RBPJ: variants seen among roughly 807,000 people sequenced by gnomAD.
RBPJ encodes the protein recombining binding protein suppressor of hairless.
In RBPJ, 9 loss-of-function variants were observed where a neutral mutation model predicts 67.8. The observed-to-expected ratio is 0.13, with a 90% CI of 0.08 to 0.23. The LOEUF is 0.23. Among genes scored for constraint, RBPJ ranks in the 10% least tolerant of loss-of-function variants. The probability of loss-of-function intolerance (pLI) is 1.00; values close to 1 mark genes in which losing one functional copy is unlikely to be tolerated. For synonymous variants in RBPJ, 198 were observed against 203.3 expected, an observed-to-expected ratio of 0.97 and a Z score of 0.22; for missense variants, 305 against 595.6, an observed-to-expected ratio of 0.51 and a Z score of 5.08.
the RBPJ span, chr4:26,113,077 C>T: frequency 5.9e-6 from 1 of 170,262 alleles, no homozygotes; most frequent in Non-Finnish European, 1.3e-5. Context: ...TTTGTGAATG[C>T]AATGAATATG....
At chr4:26,156,791 C>T in the RBPJ span, among the ~76,000 whole-genome samples, 1 of 151,994 alleles carries the variant, frequency 6.6e-6, no homozygotes, top group African/African-American at 2.4e-5. Context: ...AATCCAGGGC[C>T]AGGCACAGTG....
At chr4:26,324,786 C>T (rs1723448917) in intron 1 of RBPJ, among the ~76,000 whole-genome samples, 1 of 152,178 alleles carries the variant, frequency 6.6e-6, no homozygotes. Flanking sequence ...ACCTTGGCCT[C>T]CCAAAGTACT....
At chr4:26,337,682 C>CTTTT (rs386356773) in intron 1 of RBPJ, among the ~76,000 whole-genome samples, 3 of 108,030 alleles carry the variant, frequency 2.8e-5, no homozygotes, top group South Asian at 3.0e-4. Flanking sequence ...ATTCTTTATC[C>CTTTT]TTTTTTTTTT....
At chr4:26,185,718 CA>C (rs1717222648) in intron 1 of RBPJ, among the ~76,000 whole-genome samples, 1 of 152,140 alleles carries the variant, frequency 6.6e-6, no homozygotes, top group South Asian at 2.1e-4. Context: ...CTAGGATCCC[CA>C]CAGGTAAATC....
At chr4:26,382,355 A>T (rs928749000) in intron 1 of RBPJ, among the ~76,000 whole-genome samples, 3 of 152,226 alleles carry the variant, frequency 2.0e-5, no homozygotes, top group African/African-American at 4.8e-5. Flanking sequence ...TGGTTGCATA[A>T]AATAAATACC....
intron 1 of RBPJ, among the ~76,000 whole-genome samples, chr4:26,288,991 A>G (rs1020170826): frequency 6.6e-6 from 1 of 151,172 alleles, no homozygotes; most frequent in Non-Finnish European, 1.5e-5. Flanking sequence ...AAGATTGACT[A>G]TTCCTTACTT....
intron 1 of RBPJ, among the ~76,000 whole-genome samples, chr4:26,352,685 A>G (rs763933623): frequency 1.3e-5 from 2 of 152,262 alleles, no homozygotes; most frequent in African/African-American, 4.8e-5. Flanking sequence ...CCTGGGCCAC[A>G]GAGTGAAACT....
At chr4:26,303,158 G>A (rs556752302) in intron 1 of RBPJ, among the ~76,000 whole-genome samples, 2 of 148,216 alleles carry the variant, frequency 1.3e-5, no homozygotes, top group Admixed American at 1.4e-4. Flanking sequence ...TCCAGCCTGG[G>A]TGACAGACTG....
the RBPJ span, among the ~76,000 whole-genome samples, chr4:26,115,691 AGGAACTGTAT>A: frequency 6.6e-6 from 1 of 152,198 alleles, no homozygotes; most frequent in African/African-American, 2.4e-5. Context: ...TTATTTCACA[AGGAACTGTAT>A]TACATACCTT....
chr4:26,183,551 C>T (rs146626499), intron 1 of RBPJ, among the ~76,000 whole-genome samples: 4 of 152,288 alleles, frequency 2.6e-5, no homozygotes, highest in Non-Finnish European at 5.9e-5. Context: ...TTTTGATGCT[C>T]CCAACTCAGA....
At chr4:26,251,531 G>T (rs1365005962) in intron 1 of RBPJ, among the ~76,000 whole-genome samples, 1 of 151,524 alleles carries the variant, frequency 6.6e-6, no homozygotes, top group Non-Finnish European at 1.5e-5. Context: ...GCTACCTCAG[G>T]AGGCTAAGGC....
chr4:26,295,269 T>TGTGTGTGTGTGTGG (rs1553858418), intron 1 of RBPJ, among the ~76,000 whole-genome samples: 1 of 151,008 alleles, frequency 6.6e-6, no homozygotes, highest in African/African-American at 2.4e-5. Context: ...TGTGTGTGTG[T>TGTGTGTGTGTGTGG]GGGTGTGTGT....
chr4:26,113,462 C>A, the RBPJ span: 1 of 550,298 alleles, frequency 1.8e-6, no homozygotes. Context: ...TACCAACCAT[C>A]AGCAAACACA....
At chr4:26,276,690 GA>G (rs201448329) in intron 1 of RBPJ, among the ~76,000 whole-genome samples, 1 of 151,906 alleles carries the variant, frequency 6.6e-6, no homozygotes, top group Non-Finnish European at 1.5e-5. Flanking sequence ...AAATGAGAAA[GA>G]AAAAAAATCC....
chr4:26,428,747 G>A lies in RBPJ; in HGVS notation c.775G>A (p.Ala259Thr), dbSNP rs753437611. 23 of 1,609,394 alleles carry A rather than the reference G, an allele frequency of 1.4e-5. No homozygotes were observed. The highest frequency in any genetic ancestry group is 2.2e-5 in the South Asian group (2 of 90,836). The change falls in exon 8 of 11, where the codon GCA becomes ACA. Residue 259 changes from alanine (A) to threonine (T), a missense_variant. Transcript: ENST00000355476. ...LIIRKVDKQT[A>T]LLDADDPVSQ... is the part of the protein sequence containing the mutation. Reference sequence around the variant, plus strand: ...AATTAGGAAAGTTGATAAGCAGACCGCATTATTGGATGCAGATGATCCTGT... The same window carrying A: ...AATTAGGAAAGTTGATAAGCAGACCACATTATTGGATGCAGATGATCCTGT...
intron 1 of RBPJ, among the ~76,000 whole-genome samples, chr4:26,176,405 T>G (rs370941148): frequency 2.0e-5 from 3 of 152,218 alleles, no homozygotes; most frequent in East Asian, 3.9e-4. Context: ...AGTCTTAAAG[T>G]AAGGAGGTTG....
At chr4:26,179,138 C>T (rs1304155257) in intron 1 of RBPJ, among the ~76,000 whole-genome samples, 1 of 152,000 alleles carries the variant, frequency 6.6e-6, no homozygotes, top group Non-Finnish European at 1.5e-5. Flanking sequence ...AACAAAAAAG[C>T]AAGCACAACC....
At chr4:26,339,864 C>A (rs1349897641) in intron 1 of RBPJ, among the ~76,000 whole-genome samples, 1 of 152,004 alleles carries the variant, frequency 6.6e-6, no homozygotes, top group Non-Finnish European at 1.5e-5. Context: ...TACAAAAATA[C>A]AAAAATTAGC....
chr4:26,286,873 G>C (rs1401458572), intron 1 of RBPJ, among the ~76,000 whole-genome samples: 1 of 149,216 alleles, frequency 6.7e-6, no homozygotes, highest in South Asian at 2.1e-4. Flanking sequence ...TGCAGCCTCC[G>C]CCTCCTGGGT....
Sources: allele counts gnomAD v4.1 joint callset (sites outside exome capture counted in the v4.1 genomes callset), GRCh38; gene constraint gnomAD v4.1.1; transcripts MANE v1.5; gene names NCBI Gene and HGNC (gene_info 2026-07-23, HGNC 2026-07-21).